SGCZ: variants seen among roughly 807,000 people sequenced by gnomAD.
SGCZ encodes the protein sarcoglycan zeta.
In SGCZ, 40 loss-of-function variants were observed where a neutral mutation model predicts 41.3. That is an observed-to-expected ratio of 0.97 (90% CI 0.75 to 1.26). The LOEUF is 1.26. Ranked by LOEUF, SGCZ falls within the 50% of genes most tolerant of loss-of-function variation. SGCZ has a pLI of 0.00. For missense variants in SGCZ, 552 were observed against 369.8 expected (o/e 1.49, Z -4.04); for synonymous variants, 206 against 137.5 (o/e 1.50, Z -3.49).
chr8:14,922,701 A>G (rs1799627569), intron 1 of SGCZ, among the ~76,000 whole-genome samples: 1 of 152,222 alleles, frequency 6.6e-6, no homozygotes, highest in South Asian at 2.1e-4. Flanking sequence ...AAGGGATATA[A>G]AGCAATCTAA....
At chr8:14,996,075 T>C (rs1228370080) in intron 1 of SGCZ, among the ~76,000 whole-genome samples, 1 of 151,896 alleles carries the variant, frequency 6.6e-6, no homozygotes, top group Non-Finnish European at 1.5e-5. Flanking sequence ...AGCTAATTTT[T>C]TGTGTTTTTA....
At chr8:14,963,837 A>G (rs191925546) in intron 1 of SGCZ, among the ~76,000 whole-genome samples, 2 of 151,988 alleles carry the variant, frequency 1.3e-5, no homozygotes, top group Non-Finnish European at 2.9e-5. Context: ...ACTCATTGCA[A>G]CCCCAAAGTT....
intron 1 of SGCZ, among the ~76,000 whole-genome samples, chr8:15,198,016 ATATG>A (rs1800784964): frequency 6.7e-6 from 1 of 148,684 alleles, no homozygotes; most frequent in Admixed American, 6.8e-5. Flanking sequence ...ATATGTAAAT[ATATG>A]TATTATGTTA....
chr8:14,500,350 G>GAGAGCAGGATGGAAGC (rs1802114810), intron 2 of SGCZ, among the ~76,000 whole-genome samples: 1 of 151,986 alleles, frequency 6.6e-6, no homozygotes, highest in African/African-American at 2.4e-5. Flanking sequence ...GAAAGTATCT[G>GAGAGCAGGATGGAAGC]AGAGCAGGAT....
intron 1 of SGCZ, among the ~76,000 whole-genome samples, chr8:15,019,975 G>T (rs993680283): frequency 2.0e-5 from 3 of 151,510 alleles, no homozygotes; most frequent in African/African-American, 7.3e-5. Context: ...TTATTAAAAT[G>T]CATATATGAT....
chr8:14,603,316 C>T (rs1390813254), intron 1 of SGCZ, among the ~76,000 whole-genome samples: 1 of 151,828 alleles, frequency 6.6e-6, no homozygotes, highest in African/African-American at 2.4e-5. Flanking sequence ...GAAAACTGAA[C>T]TGAAAACAAT....
In SGCZ at chr8:15,171,701, T is replaced by C. The variant is rs1268104874; in HGVS notation, c.39+65884A>G. ...TTAGCATGTGAGCCCTTGATCCTCT[T>C]CCTTTTTGAATAAAGTGGATATCAA... On this transcript the variant is annotated intron_variant, in intron 1 of 7. Transcript: ENST00000382080. Among the ~76,000 whole-genome samples the C allele has an allele frequency of 3.3e-5, 5 of 152,322 alleles. No homozygotes were observed. In the South Asian group the frequency reaches 8.3e-4, roughly 25 times the overall value.
At chr8:14,588,922 T>C (rs539284138) in intron 1 of SGCZ, among the ~76,000 whole-genome samples, 1 of 152,300 alleles carries the variant, frequency 6.6e-6, no homozygotes, top group African/African-American at 2.4e-5. Context: ...GACTATGACA[T>C]GGAAAATTTG....
chr8:14,116,007 C>T (rs1158416973), intron 5 of SGCZ, among the ~76,000 whole-genome samples: 1 of 152,052 alleles, frequency 6.6e-6, no homozygotes, highest in Admixed American at 6.6e-5. Flanking sequence ...AGATTCATCT[C>T]AGCAGCACTT....
At chr8:14,672,700 A>G (rs1294936936) in intron 1 of SGCZ, among the ~76,000 whole-genome samples, 3 of 152,162 alleles carry the variant, frequency 2.0e-5, no homozygotes, top group African/African-American at 7.2e-5. Flanking sequence ...ACCCTCCATC[A>G]CAGAAAATTC....
intron 1 of SGCZ, among the ~76,000 whole-genome samples, chr8:15,021,382 AG>A: frequency 6.6e-6 from 1 of 152,334 alleles, no homozygotes; most frequent in African/African-American, 2.4e-5. Flanking sequence ...TATGTGTGAA[AG>A]GGCCCGTTCA....
rs56761692 is a variant in SGCZ at position 15,178,462 on chromosome 8, T to A, written c.39+59123A>T. On this transcript the variant is annotated intron_variant, in intron 1 of 7. Coordinates refer to ENST00000382080, the MANE Select transcript of SGCZ (RefSeq NM_139167.4). The stretch of plus-strand genomic sequence containing the variant: ...TTAAGAGGACATATTTTCAAATACA[T>A]AGTAAAATGCTCAGAGCATGGTAAT... Among the ~76,000 whole-genome samples, 1,177 of 152,284 alleles carry A rather than the reference T, an allele frequency of 7.7e-3. 13 individuals are homozygous for A. Among genetic ancestry groups the A allele is most frequent in the African/African-American group, 0.025 (1,037 of 41,560 alleles).
chr8:14,169,621 T>C (rs1476130187), intron 4 of SGCZ, among the ~76,000 whole-genome samples: 1 of 152,150 alleles, frequency 6.6e-6, no homozygotes, highest in African/African-American at 2.4e-5. Context: ...ACACTTCCTG[T>C]AGCCAGTCCA....
rs118024847 is a variant in SGCZ at position 14,969,275 on chromosome 8, G to A, written c.39+268310C>T. Reference sequence around the variant, plus strand: ...CGAGATATTAAAATTCTAGGCCACTGGCCTAATTGTGTTGTGACACCCTAC... The same window carrying A: ...CGAGATATTAAAATTCTAGGCCACTAGCCTAATTGTGTTGTGACACCCTAC... On this transcript the variant is annotated intron_variant, in intron 1 of 7. Coordinates refer to ENST00000382080, the MANE Select transcript of SGCZ (RefSeq NM_139167.4). Among the ~76,000 whole-genome samples the A allele has an allele frequency of 9.8e-4, 149 of 152,160 alleles. 1 individual carries two copies. The East Asian group carries it at 0.026, about 27-fold the overall frequency.
intron 1 of SGCZ, among the ~76,000 whole-genome samples, chr8:14,823,289 G>A (rs555014705): frequency 6.6e-6 from 1 of 152,044 alleles, no homozygotes; most frequent in African/African-American, 2.4e-5. Flanking sequence ...ACCAAGTGAT[G>A]AGACGACATA....
At chr8:14,380,028 G>C (rs778351308) in intron 2 of SGCZ, among the ~76,000 whole-genome samples, 1 of 152,072 alleles carries the variant, frequency 6.6e-6, no homozygotes, top group Admixed American at 6.6e-5. Context: ...CATGGCACCC[G>C]GCCAAGAATG....
intron 1 of SGCZ, among the ~76,000 whole-genome samples, chr8:14,682,013 A>T (rs1263023101): frequency 1.3e-5 from 2 of 152,206 alleles, no homozygotes; most frequent in Non-Finnish European, 2.9e-5. Context: ...TTTGAAGCAC[A>T]GAGAAAAATA....
intron 1 of SGCZ, among the ~76,000 whole-genome samples, chr8:14,758,916 G>A (rs1182592938): frequency 1.3e-5 from 2 of 151,218 alleles, no homozygotes; most frequent in Non-Finnish European, 2.9e-5. Flanking sequence ...GCTGAGGCAG[G>A]AGAATCAGTT....
At chr8:15,220,911 G>T (rs996871086) in intron 1 of SGCZ, among the ~76,000 whole-genome samples, 5 of 152,040 alleles carry the variant, frequency 3.3e-5, no homozygotes, top group Non-Finnish European at 5.9e-5. Context: ...ACTATCACAA[G>T]TACAGAAAAC....
Sources: gnomAD v4.1 joint callset for allele counts (sites outside exome capture counted in the v4.1 genomes callset) on GRCh38, gnomAD v4.1.1 for gene constraint, MANE v1.5 for transcripts, NCBI Gene and HGNC (gene_info 2026-07-23, HGNC 2026-07-21) for gene names.